PRR16: variants seen among roughly 807,000 people sequenced by gnomAD.
PRR16 encodes proline rich 16, also known as protein Largen.
In PRR16, 6 loss-of-function variants were observed where a neutral mutation model predicts 18.2. The ratio of observed to expected loss-of-function variants is 0.33; its 90% CI spans 0.18 to 0.65. The LOEUF is 0.65. Among genes scored for constraint, PRR16 ranks in the 30% least tolerant of loss-of-function variants. PRR16 has a pLI of 0.74. For synonymous variants in PRR16, 151 were observed against 147.8 expected, an observed-to-expected ratio of 1.02 and a Z score of -0.16; for missense variants, 412 against 376.6, an observed-to-expected ratio of 1.09 and a Z score of -0.78.
chr5:120,559,735 T>G (rs1434535768), intron 1 of PRR16, among the ~76,000 whole-genome samples: 1 of 151,982 alleles, frequency 6.6e-6, no homozygotes, highest in Non-Finnish European at 1.5e-5. Context: ...ATCTGTAGAT[T>G]ACTTCGGGTA....
Position 120,637,849 on chromosome 5 carries a change from A to G in PRR16, c.160-48105A>G, listed in dbSNP as rs78500515. Among the ~76,000 whole-genome samples, 1,276 of 152,266 alleles carry G rather than the reference A, an allele frequency of 8.4e-3. 7 individuals carry two copies. The highest frequency in any genetic ancestry group is 0.028 in the South Asian group (135 of 4,830). On this transcript the variant is annotated intron_variant, in intron 1 of 1. Transcript: ENST00000407149. ...GAGACCCCATCTCAACAACAAAAAA[A>G]AGAAATGTTAGCCAGATTCATTAAT...
intron 1 of PRR16, among the ~76,000 whole-genome samples, chr5:120,683,501 C>CAAAAA (rs11385880): frequency 8.9e-6 from 1 of 112,092 alleles, no homozygotes. Context: ...CACTCCGTCT[C>CAAAAA]AAAAAAAAAA....
chr5:120,694,607 C>T, the PRR16 span, among the ~76,000 whole-genome samples: 1 of 151,530 alleles, frequency 6.6e-6, no homozygotes, highest in Non-Finnish European at 1.5e-5. Context: ...TGGCGTGAAC[C>T]CCAGGGGGCG....
At chr5:120,566,537 A>G (rs1156582372) in intron 1 of PRR16, among the ~76,000 whole-genome samples, 2 of 152,146 alleles carry the variant, frequency 1.3e-5, no homozygotes, top group Non-Finnish European at 2.9e-5. Context: ...ACTCTTTAGT[A>G]CTATGTTGTT....
chr5:120,670,066 A>T (rs560309911), intron 1 of PRR16, among the ~76,000 whole-genome samples: 31 of 152,286 alleles, frequency 2.0e-4, no homozygotes, highest in African/African-American at 7.2e-4. Flanking sequence ...TAGGTGATGT[A>T]GGCAAATTTT....
the PRR16 span, among the ~76,000 whole-genome samples, chr5:120,761,419 T>C: frequency 6.6e-6 from 1 of 152,104 alleles, no homozygotes; most frequent in African/African-American, 2.4e-5. Context: ...CTAGACTATA[T>C]CTCAAAGACT....
At chr5:120,624,904 A>G (rs1345632758) in intron 1 of PRR16, among the ~76,000 whole-genome samples, 1 of 151,970 alleles carries the variant, frequency 6.6e-6, no homozygotes, top group African/African-American at 2.4e-5. Flanking sequence ...ATGAGATCTG[A>G]TGGTTTTAAA....
At chr5:120,697,768 GT>G in the PRR16 span, among the ~76,000 whole-genome samples, 2 of 151,988 alleles carry the variant, frequency 1.3e-5, no homozygotes, top group Non-Finnish European at 2.9e-5. Context: ...CTCAGTGGGG[GT>G]GCTTTTTGAG....
chr5:120,764,428 T>TG, the PRR16 span, among the ~76,000 whole-genome samples: 1 of 151,760 alleles, frequency 6.6e-6, no homozygotes, highest in Non-Finnish European at 1.5e-5. Flanking sequence ...ATTATTTAAT[T>TG]TTTTTTTAAT....
At chr5:120,606,508 T>A (rs936342289) in intron 1 of PRR16, among the ~76,000 whole-genome samples, 12 of 152,312 alleles carry the variant, frequency 7.9e-5, no homozygotes, top group African/African-American at 2.9e-4. Flanking sequence ...AAACTAGTTA[T>A]GTTTTTCTAA....
chr5:120,473,699 A>G (rs902363662), intron 1 of PRR16, among the ~76,000 whole-genome samples: 2 of 152,176 alleles, frequency 1.3e-5, no homozygotes, highest in Non-Finnish European at 2.9e-5. Context: ...TCTAGTTTCT[A>G]GGGATATAGT....
the PRR16 span, among the ~76,000 whole-genome samples, chr5:120,715,591 A>T: frequency 1.7e-4 from 26 of 152,296 alleles, no homozygotes; most frequent in Middle Eastern, 3.4e-3. Context: ...TTCACTTCTG[A>T]ATTTCATTTC....
At chr5:120,675,271 C>T (rs1219971477) in intron 1 of PRR16, among the ~76,000 whole-genome samples, 1 of 152,160 alleles carries the variant, frequency 6.6e-6, no homozygotes, top group African/African-American at 2.4e-5. Flanking sequence ...GCTGTTAACC[C>T]GTACTCAGAG....
the PRR16 span, chr5:120,781,359 C>A: frequency 6.6e-6 from 1 of 152,044 alleles, no homozygotes; most frequent in East Asian, 1.9e-4. Flanking sequence ...ACGGGTAGAC[C>A]TGGGTATTTT....
chr5:120,593,982 G>C (rs1412681107), intron 1 of PRR16, among the ~76,000 whole-genome samples: 1 of 152,004 alleles, frequency 6.6e-6, no homozygotes, highest in East Asian at 1.9e-4. Flanking sequence ...TCAAAAATGA[G>C]GCACAGAAGG....
rs191138936 is a variant in PRR16, at chr5:120,682,328, G to T, written c.160-3626G>T. 1.9e-3 allele frequency among the ~76,000 whole-genome samples: 295 copies of T among 152,218 alleles called. 1 individual carries two copies. Among genetic ancestry groups the T allele is most frequent in the African/African-American group, 6.9e-3 (287 of 41,542 alleles). On this transcript the variant is annotated intron_variant, in intron 1 of 1. Transcript: ENST00000407149. Reference sequence around the variant, plus strand: ...TATAACATCTTATATTCTTCAGAGCGCTTGAGCTAGTTGCACTTTTAAAAT... The same window carrying T: ...TATAACATCTTATATTCTTCAGAGCTCTTGAGCTAGTTGCACTTTTAAAAT...
At chr5:120,715,238 G>A in the PRR16 span, among the ~76,000 whole-genome samples, 1 of 152,062 alleles carries the variant, frequency 6.6e-6, no homozygotes, top group African/African-American at 2.4e-5. Context: ...TTTACAGACA[G>A]TATAAAAAAT....
chr5:120,717,821 A>T, the PRR16 span, among the ~76,000 whole-genome samples: 1 of 152,308 alleles, frequency 6.6e-6, no homozygotes, highest in South Asian at 2.1e-4. Flanking sequence ...TGAATGTCAG[A>T]ACGAAAACTT....
chr5:120,583,214 G>C (rs574276230), intron 1 of PRR16, among the ~76,000 whole-genome samples: 2 of 152,282 alleles, frequency 1.3e-5, no homozygotes, highest in South Asian at 4.1e-4. Flanking sequence ...TATTGGTAGA[G>C]GCAGTTACAA....
Sources: allele counts gnomAD v4.1 joint callset (sites outside exome capture counted in the v4.1 genomes callset), GRCh38; gene constraint gnomAD v4.1.1; transcripts MANE v1.5; gene names NCBI Gene and HGNC (gene_info 2026-07-23, HGNC 2026-07-21).